Variants in CHSY3 observed in about 807,000 individuals in gnomAD.
CHSY3 encodes N-acetylgalactosaminyl-proteoglycan 3-beta-glucuronosyltransferase 3.
In CHSY3, 35 loss-of-function variants were observed where a neutral mutation model predicts 67.2. The ratio of observed to expected loss-of-function variants is 0.52; its 90% CI spans 0.40 to 0.69. The LOEUF is 0.69. Among genes scored for constraint, CHSY3 ranks in the 30% least tolerant of loss-of-function variants. CHSY3 has a pLI of 0.00. For missense variants in CHSY3, 1,069 were observed against 1,138.5 expected (o/e 0.94, Z 0.88); for synonymous variants, 474 against 434.7 (o/e 1.09, Z -1.12).
At chr5:129,907,770 A>G (rs969370910) in intron 1 of CHSY3, among the ~76,000 whole-genome samples, 33 of 152,224 alleles carry the variant, frequency 2.2e-4, no homozygotes, top group African/African-American at 7.7e-4. Flanking sequence ...CTTCAAATGT[A>G]CTAAGAAACC....
At chr5:130,075,491 C>A (rs1438198526) in intron 2 of CHSY3, among the ~76,000 whole-genome samples, 1 of 152,070 alleles carries the variant, frequency 6.6e-6, no homozygotes, top group Non-Finnish European at 1.5e-5. Context: ...TATGGGATAA[C>A]TTTTTTCCTT....
chr5:130,081,365 G>A (rs1385462788), intron 2 of CHSY3, among the ~76,000 whole-genome samples: 2 of 150,062 alleles, frequency 1.3e-5, no homozygotes, highest in East Asian at 2.1e-4. Context: ...TGGGGGAGGG[G>A]AGGTCAGAAA....
intron 2 of CHSY3, among the ~76,000 whole-genome samples, chr5:130,100,335 C>T (rs1767196727): frequency 1.3e-5 from 2 of 150,760 alleles, no homozygotes; most frequent in Non-Finnish European, 2.9e-5. Flanking sequence ...CAGGTGCCCA[C>T]CACCATGCTT....
At position 129,908,252 on chromosome 5, in the gene CHSY3, G is replaced by A. The variant is rs1561449181; in HGVS notation, c.978G>A (p.Val326=). ...IFSREVLRRM[V]PHIGECLREM... Reference sequence around the variant, plus strand: ...GCCGAGAAGTTCTCAGGAGGATGGTGCCACATATTGGTGAATGCCTTAGAG... The same window carrying A: ...GCCGAGAAGTTCTCAGGAGGATGGTACCACATATTGGTGAATGCCTTAGAG... The change falls in exon 2 of 3, where the codon GTG becomes GTA. Residue 326 remains valine, a synonymous_variant. Transcript: ENST00000305031. 1.9e-6 allele frequency: 3 copies of A among 1,614,160 alleles called. No homozygotes were observed. The highest frequency in any genetic ancestry group is 4.5e-5 in the East Asian group (2 of 44,886).
At chr5:130,037,923 T>G (rs1277928437) in intron 2 of CHSY3, among the ~76,000 whole-genome samples, 1 of 152,156 alleles carries the variant, frequency 6.6e-6, no homozygotes, top group East Asian at 1.9e-4. Flanking sequence ...AGATATTTAT[T>G]TTTAGAATCA....
At chr5:130,141,244 G>A (rs569590007) in intron 2 of CHSY3, 16 of 486,346 alleles carry the variant, frequency 3.3e-5, no homozygotes, top group African/African-American at 2.6e-4. Flanking sequence ...ACTGCTGGTA[G>A]AGTCATGACT....
intron 2 of CHSY3, among the ~76,000 whole-genome samples, chr5:130,078,705 A>C (rs1766350470): frequency 6.6e-6 from 1 of 152,166 alleles, no homozygotes; most frequent in Non-Finnish European, 1.5e-5. Context: ...ACAAAATACA[A>C]AGTGCCAAAA....
intron 2 of CHSY3, among the ~76,000 whole-genome samples, chr5:129,916,669 C>A (rs552133137): frequency 6.6e-6 from 1 of 152,130 alleles, no homozygotes; most frequent in African/African-American, 2.4e-5. Context: ...AATGTTCTGC[C>A]TTAGAATTCA....
chr5:130,159,974 G>A lies in CHSY3; in HGVS notation c.1087-24255G>A, dbSNP rs1046888457. The stretch of plus-strand genomic sequence containing the variant: ...GAAGAAAATCAAAGGCAACACAGTG[G>A]TTTGAATGGAGTTTGAAGGTGTCAC... On this transcript the variant is annotated intron_variant, in intron 2 of 2. Transcript: ENST00000305031. Among the ~76,000 whole-genome samples the A allele has an allele frequency of 7.2e-5, 11 of 152,254 alleles. No homozygotes were observed. The East Asian group carries it at 1.9e-3, about 27-fold the overall frequency.
chr5:129,919,282 A>G (rs1760839892), intron 2 of CHSY3, among the ~76,000 whole-genome samples: 1 of 152,178 alleles, frequency 6.6e-6, no homozygotes, highest in African/African-American at 2.4e-5. Context: ...AGTTACACAT[A>G]TCAGTATTAC....
intron 2 of CHSY3, among the ~76,000 whole-genome samples, chr5:130,173,687 A>C (rs1769962833): frequency 2.0e-5 from 3 of 152,144 alleles, no homozygotes; most frequent in African/African-American, 7.2e-5. Context: ...GTACCTTATT[A>C]TTCTTATACC....
chr5:130,055,782 AG>A (rs1765513271), intron 2 of CHSY3, among the ~76,000 whole-genome samples: 2 of 152,054 alleles, frequency 1.3e-5, no homozygotes, highest in African/African-American at 4.8e-5. Context: ...AATGCCATTG[AG>A]TCCCGGACAT....
intron 2 of CHSY3, among the ~76,000 whole-genome samples, chr5:130,059,978 G>A (rs1176726799): frequency 6.6e-6 from 1 of 151,554 alleles, no homozygotes; most frequent in Non-Finnish European, 1.5e-5. Flanking sequence ...AAAAAATGAA[G>A]TGAAGATGTA....
chr5:130,090,414 G>T (rs1352843655), intron 2 of CHSY3, among the ~76,000 whole-genome samples: 2 of 152,110 alleles, frequency 1.3e-5, no homozygotes, highest in East Asian at 3.9e-4. Flanking sequence ...GGCTACCAGT[G>T]CTTCCACACT....
intron 2 of CHSY3, among the ~76,000 whole-genome samples, chr5:130,073,709 A>C (rs1417433135): frequency 1.3e-5 from 2 of 152,100 alleles, no homozygotes; most frequent in East Asian, 3.9e-4. Context: ...CAAAAATAAA[A>C]ATGTCATCAT....
chr5:130,099,106 C>T (rs1010201312), intron 2 of CHSY3, among the ~76,000 whole-genome samples: 2 of 152,188 alleles, frequency 1.3e-5, no homozygotes, highest in Non-Finnish European at 2.9e-5. Context: ...ATTTATTTCT[C>T]CCCCAGTGAC....
intron 2 of CHSY3, among the ~76,000 whole-genome samples, chr5:130,056,457 C>T (rs1580690990): frequency 6.6e-6 from 1 of 152,018 alleles, no homozygotes; most frequent in South Asian, 2.1e-4. Flanking sequence ...TAAATATAGT[C>T]GTGATTTGTA....
chr5:130,152,480 CT>C (rs949856242), intron 2 of CHSY3, among the ~76,000 whole-genome samples: 57 of 152,276 alleles, frequency 3.7e-4, no homozygotes, highest in African/African-American at 1.3e-3. Context: ...TTTATGTCGA[CT>C]TTTTTTCCTT....
Position 130,184,429 on chromosome 5 carries a change from C to G in CHSY3, c.1287C>G (p.Ala429=). ...CCATCCAGCTCCACAGGGAAAGTGC[C>G]CTGATGAGCAAGCTCAGTAACACAG... The part of the protein sequence containing the change: ...YRTIQLHRES[A]LMSKLSNTEV... The change falls in exon 3 of 3, where the codon GCC becomes GCG. Residue 429 remains alanine, a synonymous_variant. Transcript: ENST00000305031. The G allele has an allele frequency of 6.2e-7, 1 of 1,613,500 alleles. No individual in the cohort carries two copies. Among genetic ancestry groups the G allele is most frequent in the Non-Finnish European group, 8.5e-7 (1 of 1,179,498 alleles).
Sources: gnomAD v4.1 joint callset for allele counts (sites outside exome capture counted in the v4.1 genomes callset) on GRCh38, gnomAD v4.1.1 for gene constraint, MANE v1.5 for transcripts, NCBI Gene and HGNC (gene_info 2026-07-23, HGNC 2026-07-21) for gene names.